Variants in CTC1 observed in about 807,000 individuals in gnomAD.
CTC1 encodes CST complex subunit CTC1.
Under a neutral mutation model 136.3 loss-of-function variants are expected in CTC1, and 91 were observed. That is an observed-to-expected ratio of 0.67 (90% confidence interval 0.56 to 0.79). CTC1 has a LOEUF of 0.79. Ranked by LOEUF, CTC1 falls within the 30% of genes least tolerant of loss-of-function variation. The pLI is 0.00. For missense variants in CTC1, 1,432 were observed against 1,498.1 expected, an observed-to-expected ratio of 0.96 and a Z score of 0.73; for synonymous variants, 606 against 613.8, an observed-to-expected ratio of 0.99 and a Z score of 0.19.
At chr17:8,235,647 G>A (rs761317754) in intron 7 of CTC1, among the ~76,000 whole-genome samples, 184 bp downstream of exon 7, 1 of 152,208 alleles carries the variant, frequency 6.6e-6, no homozygotes, top group Non-Finnish European at 1.5e-5. Context: ...CCTCCTCACA[G>A]TGCCCAAGAC....
rs2151493426 is a variant in CTC1, at chr17:8,226,878, AGCAGTAGGT to A, written c.*1293_*1301del. On this transcript the variant is annotated 3_prime_UTR_variant, in exon 23 of 23. Transcript: ENST00000651323. Reference sequence around the variant, plus strand: ...AGCGCTAGTGATTCAGGGAATAGGAAGCAGTAGGTGCAATATAATTCTGTTACCAGAAGG... The same window carrying A: ...AGCGCTAGTGATTCAGGGAATAGGAAGCAATATAATTCTGTTACCAGAAGG... The A allele has an allele frequency of 6.6e-6, 1 of 152,202 alleles. No individual in the cohort carries two copies. Among genetic ancestry groups the A allele is most frequent in the South Asian group, 2.1e-4 (1 of 4,820 alleles). The allele number at this position is 152,202 out of a possible 1,614,324, so 9.4% of individuals were successfully genotyped here. A position where few individuals can be genotyped will look rare whatever the true frequency, so the allele number is the denominator to read the frequency against.
intron 1 of CTC1, among the ~76,000 whole-genome samples, chr17:8,246,067 G>A (rs111249066): frequency 1.4e-3 from 213 of 151,172 alleles, no homozygotes; most frequent in African/African-American, 4.9e-3. Context: ...TTAGCCTGGC[G>A]TGGTAGCACA....
chr17:8,235,332 C>T, intron 7 of CTC1, 47 bp from the exon 8 acceptor site: 1 of 1,416,082 alleles, frequency 7.1e-7, no homozygotes, highest in Non-Finnish European at 9.9e-7. Context: ...AAGACCCCAA[C>T]TCAATGAACC....
Position 8,238,222 on chromosome 17 carries a change from A to G in CTC1, c.456T>C (p.Ser152=), listed in dbSNP as rs769003881. 1.9e-6 allele frequency: 3 copies of G among 1,609,698 alleles called. No individual in the cohort carries two copies. In the Admixed American group the frequency reaches 5.0e-5, roughly 27 times the overall value. Residue 152 remains serine (S), a synonymous_variant, in exon 4 of 23, where the codon TCT becomes TCC. Coordinates refer to ENST00000651323, the MANE Select transcript of CTC1 (RefSeq NM_025099.6). The part of the protein sequence containing the change: ...LSCELIDLDL[S]WLGHLFLFPR... ...GGAACAGAAAAAGATGGCCCAACCA[A>G]GAAAGGTCCAGGTCTATGAGCTAAG...
rs1168007580 is a variant in CTC1, at chr17:8,228,206, G to A, written c.3628C>T (p.Leu1210=). The A allele has an allele frequency of 9.3e-6, 15 of 1,614,092 alleles. No individual in the cohort carries two copies. The highest frequency in any genetic ancestry group is 1.0e-5 in the Non-Finnish European group (12 of 1,179,992). Residue 1210 remains leucine, a synonymous_variant, in exon 23 of 23, where the codon CTG becomes TTG. Coordinates refer to ENST00000651323, the MANE Select transcript of CTC1 (RefSeq NM_025099.6). ...SIRESEYSSS[L]GILASSC is the part of the protein sequence containing the mutation. ...TAACAGGAGGAAGCAAGGATCCCCA[G>A]AGAGCTGGAGTACTCTGACTCTCGG...
At chr17:8,244,241 C>T (rs920828460) in intron 1 of CTC1, among the ~76,000 whole-genome samples, 1 of 152,180 alleles carries the variant, frequency 6.6e-6, no homozygotes, top group Non-Finnish European at 1.5e-5. Context: ...TACAACCTCA[C>T]TTGATTTGTT....
Position 8,234,553 on chromosome 17 carries a change from G to A in CTC1, c.1720C>T (p.Pro574Ser), listed in dbSNP as rs200440641. 1.5e-3 allele frequency: 2,422 copies of A among 1,584,618 alleles called. 2 individuals are homozygous for A. Among genetic ancestry groups the A allele is most frequent in the Admixed American group, 1.8e-3 (99 of 54,660 alleles). The change falls in exon 10 of 23, where the codon CCC becomes TCC. Residue 574 changes from proline to serine, a missense_variant. Transcript: ENST00000651323. ...WASFDPKALL[P>S]LPEASYLPSC... is the part of the protein sequence containing the mutation. Reference sequence around the variant, plus strand: ...GGCAGGTAGGAGGCCTCCGGGAGGGGCAGAAGGGCCTTAGGGTCAAAGGAG... The same window carrying A: ...GGCAGGTAGGAGGCCTCCGGGAGGGACAGAAGGGCCTTAGGGTCAAAGGAG...
At position 8,232,390 on chromosome 17, in the gene CTC1, C is replaced by A. The variant is rs1987321012; in HGVS notation, c.2031G>T (p.Met677Ile). The A allele has an allele frequency of 4.3e-6, 7 of 1,614,122 alleles. No homozygotes were observed. The highest frequency in any genetic ancestry group is 5.9e-6 in the Non-Finnish European group (7 of 1,179,966). ...CCTGCTGCTTCTGGATGAAGCCTGG[C>A]ATGCTCAGCTCCTTCCAGGAAGGGA... ...SSFPSWKELS[M>I]PGFIQKQQAR... is the part of the protein sequence containing the mutation. The change falls in exon 12 of 23, where the codon ATG (methionine) becomes ATT (isoleucine). Residue 677 changes from methionine to isoleucine, a missense_variant. Physicochemically the swap from Met to Ile is conservative, Grantham distance 10. Transcript: ENST00000651323.
Position 8,228,560 on chromosome 17 carries a change from G to A in CTC1, c.3457C>T (p.Arg1153Cys), listed in dbSNP as rs1182830116. Residue 1153 changes from arginine to cysteine, a missense_variant, in exon 22 of 23, where the codon CGT becomes TGT. Transcript: ENST00000651323. ...AGCTCAAAAGAAAGCACAATAGGAC[G>A]GAGGACAGAGGGGCTAGTACAAAGT... ...WTLCTSPSVL[R>C]PIVLSFELER... 12 of 1,614,144 alleles carry A rather than the reference G, an allele frequency of 7.4e-6. No individual in the cohort carries two copies. Among genetic ancestry groups the A allele is most frequent in the East Asian group, 4.5e-5 (2 of 44,888 alleles).
In CTC1 at chr17:8,228,129, G is replaced by A. The variant is rs949148584; in HGVS notation, c.*51C>T. The A allele has an allele frequency of 2.5e-5, 39 of 1,580,320 alleles. No individual in the cohort carries two copies. Among genetic ancestry groups the A allele is most frequent in the Non-Finnish European group, 3.0e-5 (35 of 1,151,038 alleles). ...AGTAGGGAGAGGAGCCAGGACCTAGGCCTTCAGGTTTTCAGCAAGGAAGGA... is the reference window on the plus strand; with the variant it reads ...AGTAGGGAGAGGAGCCAGGACCTAGACCTTCAGGTTTTCAGCAAGGAAGGA... On this transcript the variant is annotated 3_prime_UTR_variant, in exon 23 of 23. Coordinates refer to ENST00000651323, the MANE Select transcript of CTC1 (RefSeq NM_025099.6).
Position 8,225,831 on chromosome 17 carries a change from CTA to C in CTC1, c.*2347_*2348del, listed in dbSNP as rs1340981008. 6.6e-6 allele frequency: 1 copy of C among 150,540 alleles called. No individual in the cohort carries two copies. Among genetic ancestry groups the C allele is most frequent in the Non-Finnish European group, 1.5e-5 (1 of 67,736 alleles). The allele number at this position is 150,540 out of a possible 1,614,324, so 9.3% of individuals were successfully genotyped here. On this transcript the variant is annotated 3_prime_UTR_variant, in exon 23 of 23. Transcript: ENST00000651323. ...TAAATATATATTTTTATATTATATA[CTA>C]TATATATAACATTATGAGCCACCAA...
chr17:8,247,780 G>C, intron 1 of CTC1: 1 of 583,142 alleles, frequency 1.7e-6, no homozygotes, highest in East Asian at 3.0e-5. Context: ...ACCCTAGAGA[G>C]TGAACGGAGA....
At chr17:8,247,718 A>G (rs1055079321) in intron 1 of CTC1, 7 of 417,400 alleles carry the variant, frequency 1.7e-5, no homozygotes, top group Non-Finnish European at 3.1e-5. Context: ...CCAGGAACCC[A>G]CAGCCCCATA....
rs1353768021 is a variant in CTC1 at position 8,229,987 on chromosome 17, T to C, written c.2934-19A>G. 4 of 1,612,172 alleles carry C rather than the reference T, an allele frequency of 2.5e-6. No individual in the cohort carries two copies. Among genetic ancestry groups the C allele is most frequent in the Admixed American group, 1.7e-5 (1 of 59,962 alleles). ...GTGAGATCTGCAAGTGGAAGAGGAA[T>C]AGTGAGTGACCAGGAAGACAAGGCA... On this transcript the variant is annotated intron_variant, in intron 17 of 22. Transcript: ENST00000651323.
In CTC1 at chr17:8,237,393, G is replaced by A. The variant is rs1309024092; in HGVS notation, c.774C>T (p.His258=). Residue 258 remains histidine, a synonymous_variant, in exon 5 of 23, where the codon CAC becomes CAT. Transcript: ENST00000651323. ...TCCTCACCTGCACGATGATGGACACGTGGGTGACAGCTGGGTGTGATCTAC... is the reference window on the plus strand; with the variant it reads ...TCCTCACCTGCACGATGATGGACACATGGGTGACAGCTGGGTGTGATCTAC... ...SLGRSHPAVT[H]VSIIVQVPAQ... 13 of 1,613,914 alleles carry A rather than the reference G, an allele frequency of 8.1e-6. No individual in the cohort carries two copies. The highest frequency in any genetic ancestry group is 5.5e-5 in the South Asian group (5 of 91,082).
intron 5 of CTC1, 41 bp downstream of exon 5, chr17:8,237,334 C>A (rs757126195): frequency 6.2e-7 from 1 of 1,612,328 alleles, no homozygotes; most frequent in Non-Finnish European, 8.5e-7. Flanking sequence ...AGTTCTACCA[C>A]CCTCCCCCAC....
At position 8,234,527 on chromosome 17, in the gene CTC1, G is replaced by C; in HGVS notation, c.1746C>G (p.Pro582=). The C allele has an allele frequency of 6.4e-7, 1 of 1,561,818 alleles. No homozygotes were observed. ...LLPLPEASYL[P]SCQLNRRLAW... is the part of the protein sequence containing the mutation. Reference sequence around the variant, plus strand: ...CCAGGCGGCGATTGAGTTGGCAGCTGGGCAGGTAGGAGGCCTCCGGGAGGG... The same window carrying C: ...CCAGGCGGCGATTGAGTTGGCAGCTCGGCAGGTAGGAGGCCTCCGGGAGGG... The change falls in exon 10 of 23, where the codon CCC becomes CCG. Residue 582 remains proline (P), a synonymous_variant. Transcript: ENST00000651323.
At chr17:8,246,370 G>C (rs914167467) in intron 1 of CTC1, among the ~76,000 whole-genome samples, 1 of 152,146 alleles carries the variant, frequency 6.6e-6, no homozygotes, top group African/African-American at 2.4e-5. Flanking sequence ...TACTTTAGCT[G>C]AGATCTCATT....
At position 8,236,091 on chromosome 17, in the gene CTC1, A is replaced by C. The variant is rs927153682; in HGVS notation, c.1044T>G (p.Ser348Arg). The C allele has an allele frequency of 6.2e-7, 1 of 1,614,020 alleles. No individual in the cohort carries two copies. The highest frequency in any genetic ancestry group is 8.5e-7 in the Non-Finnish European group (1 of 1,180,002). ...ATAGGAGTCTAGAATACCGGACAAG[A>C]CTTTCTGGATCCTTCTTGTCCTCCG... is the stretch of plus-strand genomic sequence containing the variant. ...SNSEDKKDPE[S>R]LVRYSRLLSY... Residue 348 changes from serine to arginine, a missense_variant, in exon 6 of 23, where the codon AGT (serine) becomes AGG (arginine). Coordinates refer to ENST00000651323, the MANE Select transcript of CTC1 (RefSeq NM_025099.6).
Sources: allele counts gnomAD v4.1 joint callset (sites outside exome capture counted in the v4.1 genomes callset), GRCh38; gene constraint gnomAD v4.1.1; transcripts MANE v1.5; gene names NCBI Gene and HGNC (gene_info 2026-07-23, HGNC 2026-07-21).